The following CUL4A variants were observed in gnomAD, a reference collection of about 807,000 sequenced individuals.
CUL4A encodes cullin-4A.
CUL4A carries 16 observed loss-of-function variants against 95.5 expected under a neutral mutation model. That is an observed-to-expected ratio of 0.17 (90% CI 0.11 to 0.25). The LOEUF (loss-of-function observed/expected upper bound fraction) is 0.25. Ranked by LOEUF, CUL4A falls within the 10% of genes least tolerant of loss-of-function variation. CUL4A has a pLI of 1.00. For synonymous variants in CUL4A, 380 were observed against 353.1 expected, an observed-to-expected ratio of 1.08 and a Z score of -0.85; for missense variants, 610 against 937.0, an observed-to-expected ratio of 0.65 and a Z score of 4.56.
chr13:113,230,578 T>A (rs1232991529), intron 5 of CUL4A, among the ~76,000 whole-genome samples: 1 of 152,148 alleles, frequency 6.6e-6, no homozygotes, highest in South Asian at 2.1e-4. Context: ...ATAAAAGTGA[T>A]CATAGCAGAT....
At chr13:113,252,910 A>G (rs975640042) in intron 15 of CUL4A, among the ~76,000 whole-genome samples, 172 bp from the exon 16 acceptor site, 14 of 152,238 alleles carry the variant, frequency 9.2e-5, no homozygotes, top group African/African-American at 3.4e-4. Flanking sequence ...AGAAGCCCCA[A>G]AGTTCAAGGA....
At chr13:113,254,905 T>C in intron 17 of CUL4A, 48 bp from the exon 18 acceptor site, 1 of 1,604,224 alleles carries the variant, frequency 6.2e-7, no homozygotes. Context: ...TGTTGTTGAG[T>C]CTCATTCGTT....
At chr13:113,234,636 C>A (rs554948861) in intron 7 of CUL4A, among the ~76,000 whole-genome samples, 1 of 152,172 alleles carries the variant, frequency 6.6e-6, no homozygotes, top group Non-Finnish European at 1.5e-5. Context: ...CTCCTGCAAC[C>A]GTGTTGTTTG....
intron 18 of CUL4A, among the ~76,000 whole-genome samples, chr13:113,257,486 C>T (rs887250656): frequency 8.5e-5 from 13 of 152,152 alleles, no homozygotes; most frequent in African/African-American, 3.1e-4. Flanking sequence ...TCTGACGAGG[C>T]CTCAGGAAGT....
At chr13:113,227,511 T>TG (rs1483821153) in intron 3 of CUL4A, among the ~76,000 whole-genome samples, 1 of 152,216 alleles carries the variant, frequency 6.6e-6, no homozygotes, top group Non-Finnish European at 1.5e-5. Flanking sequence ...CTATGAATTT[T>TG]GGGGGGACAT....
chr13:113,235,957 C>A (rs2041528530), intron 8 of CUL4A, among the ~76,000 whole-genome samples: 1 of 141,520 alleles, frequency 7.1e-6, no homozygotes, highest in Non-Finnish European at 1.5e-5. Context: ...GGCGACAGAG[C>A]GAGACTCCGT....
chr13:113,255,475 G>A (rs2042097414), intron 18 of CUL4A, among the ~76,000 whole-genome samples: 1 of 152,044 alleles, frequency 6.6e-6, no homozygotes, highest in South Asian at 2.1e-4. Context: ...TGTGGGTCTG[G>A]GTAAATGTAT....
chr13:113,232,863 T>C (rs1566345090), intron 5 of CUL4A, among the ~76,000 whole-genome samples: 1 of 151,982 alleles, frequency 6.6e-6, no homozygotes, highest in Non-Finnish European at 1.5e-5. Context: ...GTGTCTCCCG[T>C]CGCTCAGCAG....
At chr13:113,234,060 G>C (rs2041455565) in intron 7 of CUL4A, 74 bp downstream of exon 7, 2 of 856,906 alleles carry the variant, frequency 2.3e-6, no homozygotes, top group Admixed American at 5.0e-5. Flanking sequence ...CTTTCCTCAT[G>C]TTTGCCTTTT....
At chr13:113,242,899 G>C (rs2041759193) in intron 10 of CUL4A, 69 bp from the exon 11 acceptor site, 3 of 1,189,566 alleles carry the variant, frequency 2.5e-6, no homozygotes, top group South Asian at 2.9e-5. Flanking sequence ...CTGATTATAT[G>C]ATAGCAGGAG....
chr13:113,211,844 C>T (rs2040458360), intron 2 of CUL4A, among the ~76,000 whole-genome samples: 1 of 152,144 alleles, frequency 6.6e-6, no homozygotes, highest in Non-Finnish European at 1.5e-5. Flanking sequence ...TACGGAATTT[C>T]TTGTTTTTGC....
intron 15 of CUL4A, among the ~76,000 whole-genome samples, chr13:113,246,686 G>A (rs1247708696): frequency 4.6e-5 from 7 of 152,220 alleles, no homozygotes; most frequent in African/African-American, 1.7e-4. Context: ...TACAGTGGTA[G>A]GACAGTGTGA....
At chr13:113,260,804 C>T (rs1465106346) in intron 19 of CUL4A, 45 bp downstream of exon 19, 1 of 1,381,568 alleles carries the variant, frequency 7.2e-7, no homozygotes, top group African/African-American at 1.5e-5. Flanking sequence ...ATTTGCTAAA[C>T]AATTGACAAA....
At chr13:113,220,836 C>T (rs1243926151) in intron 3 of CUL4A, among the ~76,000 whole-genome samples, 4 of 152,310 alleles carry the variant, frequency 2.6e-5, no homozygotes, top group Non-Finnish European at 2.9e-5. Context: ...TTCTACCCTC[C>T]AAGAAGTCGC....
chr13:113,241,016 A>C (rs1194709364), intron 10 of CUL4A, among the ~76,000 whole-genome samples: 4 of 152,226 alleles, frequency 2.6e-5, no homozygotes, highest in African/African-American at 7.2e-5. Context: ...GATAAAGCTT[A>C]CATGCTGCTT....
chr13:113,243,659 AT>A (rs2041783801), intron 11 of CUL4A, among the ~76,000 whole-genome samples: 1 of 151,940 alleles, frequency 6.6e-6, no homozygotes, highest in Non-Finnish European at 1.5e-5. Context: ...TTGACTGTTG[AT>A]TACTGCTGAA....
chr13:113,231,835 GGA>G (rs1254475047), intron 5 of CUL4A, among the ~76,000 whole-genome samples: 1 of 152,160 alleles, frequency 6.6e-6, no homozygotes, highest in African/African-American at 2.4e-5. Context: ...GGGAGCAACA[GGA>G]GAGGCCCATG....
chr13:113,211,277 GCA>G lies in CUL4A; in HGVS notation c.264+1192_264+1193del, dbSNP rs542577243. 1.2e-4 allele frequency among the ~76,000 whole-genome samples: 18 copies of G among 152,358 alleles called. No homozygotes were observed. In the East Asian group the frequency reaches 2.7e-3, roughly 23 times the overall value. On this transcript the variant is annotated intron_variant, in intron 2 of 19. Transcript: ENST00000375440. ...TTAGGACAGTGCTTTTGAGATTCATGCACAACGCAGTGTGATTGTAATTTATT... is the reference window on the plus strand; with the variant it reads ...TTAGGACAGTGCTTTTGAGATTCATGCAACGCAGTGTGATTGTAATTTATT...
intron 12 of CUL4A, 89 bp from the exon 13 acceptor site, chr13:113,244,860 T>C (rs1365867614): frequency 5.1e-5 from 44 of 867,440 alleles, no homozygotes; most frequent in Admixed American, 4.6e-5. Context: ...AAAAACACTT[T>C]TAAGGGTTTT....
Sources: allele counts gnomAD v4.1 joint callset (sites outside exome capture counted in the v4.1 genomes callset), GRCh38; gene constraint gnomAD v4.1.1; transcripts MANE v1.5; gene names NCBI Gene and HGNC (gene_info 2026-07-23, HGNC 2026-07-21).